The following MBOAT1 variants were observed in gnomAD, a reference collection of about 807,000 sequenced individuals.
The protein encoded by MBOAT1 is membrane bound glycerophospholipid O-acyltransferase 1.
A neutral mutation model predicts 64.4 loss-of-function variants in MBOAT1; 67 were observed. The observed-to-expected ratio is 1.04, with a 90% confidence interval of 0.85 to 1.27. The LOEUF is 1.27. Among genes scored for constraint, MBOAT1 ranks in the 50% most tolerant of loss-of-function variants. The pLI is 0.00. For missense variants in MBOAT1, 563 were observed against 604.6 expected, an observed-to-expected ratio of 0.93 and a Z score of 0.72; for synonymous variants, 229 against 218.9, an observed-to-expected ratio of 1.05 and a Z score of -0.41.
intron 12 of MBOAT1, among the ~76,000 whole-genome samples, chr6:20,108,604 G>A (rs1316043099): frequency 6.6e-6 from 1 of 152,158 alleles, no homozygotes; most frequent in Non-Finnish European, 1.5e-5. Flanking sequence ...ATCGGCTATA[G>A]GGAATTCCCA....
At chr6:20,123,988 T>C (rs535778027) in intron 8 of MBOAT1, among the ~76,000 whole-genome samples, 1 of 152,012 alleles carries the variant, frequency 6.6e-6, no homozygotes, top group African/African-American at 2.4e-5. Flanking sequence ...ACCCAGGAGG[T>C]GGAGCTTGCA....
At chr6:20,162,954 A>G (rs911277808) in intron 1 of MBOAT1, among the ~76,000 whole-genome samples, 2 of 152,224 alleles carry the variant, frequency 1.3e-5, no homozygotes, top group Non-Finnish European at 2.9e-5. Context: ...ATGCTCAGAG[A>G]AAGAGTCCTT....
intron 8 of MBOAT1, among the ~76,000 whole-genome samples, chr6:20,118,952 G>A (rs952972650): frequency 6.6e-6 from 1 of 152,124 alleles, no homozygotes; most frequent in Non-Finnish European, 1.5e-5. Flanking sequence ...AAGAAACAAG[G>A]GACCCAGAAG....
intron 1 of MBOAT1, among the ~76,000 whole-genome samples, chr6:20,167,726 T>C (rs543465956): frequency 5.4e-4 from 83 of 152,360 alleles, no homozygotes; most frequent in Admixed American, 8.5e-4. Flanking sequence ...TGTACAACCT[T>C]AGCCAAATTA....
intron 1 of MBOAT1, among the ~76,000 whole-genome samples, chr6:20,208,440 T>G (rs1194846407): frequency 1.2e-4 from 1 of 8,546 alleles, no homozygotes; most frequent in African/African-American, 1.9e-4. Flanking sequence ...AGCTAGACTC[T>G]GTCTCAAAAA....
At chr6:20,125,773 T>C in intron 7 of MBOAT1, 1 of 338,810 alleles carries the variant, frequency 3.0e-6, no homozygotes, top group Non-Finnish European at 5.7e-6. Context: ...AATTAATAAA[T>C]CCCTTAAGTT....
chr6:20,125,935 A>C (rs924316786), intron 7 of MBOAT1: 2 of 419,086 alleles, frequency 4.8e-6, no homozygotes, highest in African/African-American at 4.2e-5. Flanking sequence ...ACCTGAATAA[A>C]TTGAGCATAT....
At chr6:20,152,363 AAATTAATT>A (rs57670324) in intron 2 of MBOAT1, among the ~76,000 whole-genome samples, 16,899 of 140,628 alleles carry the variant, frequency 0.12, 1,286 homozygotes, top group East Asian at 0.3. Context: ...ATAAATAAAT[AAATTAATT>A]AATTAATTAA....
At chr6:20,103,344 GA>G (rs1234808585) in intron 12 of MBOAT1, among the ~76,000 whole-genome samples, 2 of 152,282 alleles carry the variant, frequency 1.3e-5, no homozygotes, top group East Asian at 3.9e-4. Flanking sequence ...AAACAAAATA[GA>G]AAAAAGCTTA....
At chr6:20,144,788 C>G (rs1313841166) in intron 3 of MBOAT1, among the ~76,000 whole-genome samples, 1 of 152,210 alleles carries the variant, frequency 6.6e-6, no homozygotes, top group South Asian at 2.1e-4. Flanking sequence ...CTTCCATTCT[C>G]CTGTTTTCTT....
chr6:20,182,664 C>A (rs138912947), intron 1 of MBOAT1, among the ~76,000 whole-genome samples: 2 of 152,290 alleles, frequency 1.3e-5, no homozygotes, highest in African/African-American at 4.8e-5. Context: ...CCCCTTGCCC[C>A]TTCCTCCTGC....
chr6:20,198,806 A>G (rs1451442932), intron 1 of MBOAT1, among the ~76,000 whole-genome samples: 1 of 152,168 alleles, frequency 6.6e-6, no homozygotes, highest in Non-Finnish European at 1.5e-5. Flanking sequence ...CTTCCTCAGG[A>G]TTTTCTCTGC....
Position 20,101,741 on chromosome 6 carries a change from G to A in MBOAT1, c.*545C>T, listed in dbSNP as rs1298976153. 6.6e-6 allele frequency among the ~76,000 whole-genome samples: 1 copy of A among 152,090 alleles called. No homozygotes were observed. The highest frequency in any genetic ancestry group is 1.5e-5 in the Non-Finnish European group (1 of 67,996). ...AGCTCTGGCACATTCTCTACACATC[G>A]CCACACCACTCAAATGTCCTATAAA... On this transcript the variant is annotated 3_prime_UTR_variant, in exon 13 of 13. Transcript: ENST00000324607.
intron 10 of MBOAT1, 91 bp from the exon 11 acceptor site, chr6:20,113,099 G>GTTTTT: frequency 6.8e-7 from 1 of 1,470,338 alleles, no homozygotes; most frequent in Non-Finnish European, 9.1e-7. Context: ...CATGCAGAAA[G>GTTTTT]CATTTGGTTG....
chr6:20,190,796 T>C (rs1157588745), intron 1 of MBOAT1, among the ~76,000 whole-genome samples: 1 of 152,072 alleles, frequency 6.6e-6, no homozygotes, highest in Non-Finnish European at 1.5e-5. Flanking sequence ...GGTAGGGATA[T>C]CAGGCAGCCA....
At chr6:20,149,100 C>T (rs78088811) in intron 3 of MBOAT1, among the ~76,000 whole-genome samples, 1 of 91,786 alleles carries the variant, frequency 1.1e-5, no homozygotes, top group African/African-American at 3.2e-5. Flanking sequence ...GACTCTGTCT[C>T]AAAAAAAAAA....
chr6:20,106,189 C>T (rs1561743520), intron 12 of MBOAT1, among the ~76,000 whole-genome samples: 1 of 152,206 alleles, frequency 6.6e-6, no homozygotes, highest in South Asian at 2.1e-4. Context: ...TTTATTTCTT[C>T]GCCAGATTCA....
At chr6:20,113,550 A>C (rs779302519) in intron 10 of MBOAT1, among the ~76,000 whole-genome samples, 9 of 152,156 alleles carry the variant, frequency 5.9e-5, no homozygotes, top group Non-Finnish European at 1.2e-4. Context: ...TCACAAAATC[A>C]ATGTGTCAGT....
intron 11 of MBOAT1, among the ~76,000 whole-genome samples, chr6:20,111,859 C>CGTATATATACGTATATATATGTGTAT (rs1371697719): frequency 9.2e-6 from 1 of 108,646 alleles, no homozygotes; most frequent in African/African-American, 4.2e-5. Context: ...TATATATATA[C>CGTATATATACGTATATATATGTGTAT]ATATATATAC....
Sources: allele counts gnomAD v4.1 joint callset (sites outside exome capture counted in the v4.1 genomes callset), GRCh38; gene constraint gnomAD v4.1.1; transcripts MANE v1.5; gene names NCBI Gene and HGNC (gene_info 2026-07-23, HGNC 2026-07-21).